ADGRL2: variants seen among roughly 807,000 people sequenced by gnomAD.
ADGRL2 encodes adhesion G protein-coupled receptor L2, also known as calcium-independent alpha-latrotoxin receptor 2.
A neutral mutation model predicts 157.4 loss-of-function variants in ADGRL2; 44 were observed. That is an observed-to-expected ratio of 0.28 (90% confidence interval 0.22 to 0.36). ADGRL2 has a LOEUF of 0.36. ADGRL2 is among the 10% of genes least tolerant of loss of function. The pLI is 1.00. For synonymous variants in ADGRL2, 585 were observed against 624.7 expected (o/e 0.94, Z 0.95); for missense variants, 1,510 against 1,768.9 (o/e 0.85, Z 2.63).
chr1:81,587,851 A>G (rs1401110505), intron 3 of ADGRL2, among the ~76,000 whole-genome samples: 2 of 152,156 alleles, frequency 1.3e-5, no homozygotes, highest in Non-Finnish European at 2.9e-5. Context: ...TTTAGGAGGT[A>G]TAATTAAAAA....
chr1:81,986,070 A>G (rs76611817), intron 21 of ADGRL2, among the ~76,000 whole-genome samples: 15,826 of 152,056 alleles, frequency 0.1, 838 homozygotes, highest in South Asian at 0.16. Flanking sequence ...AAAAAGGTGT[A>G]TGTGTGGTAG....
At chr1:81,745,884 T>G (rs1434360415) in intron 1 of ADGRL2, among the ~76,000 whole-genome samples, 5 of 152,288 alleles carry the variant, frequency 3.3e-5, no homozygotes, top group African/African-American at 1.2e-4. Context: ...ACTCTTGTGA[T>G]TTTGTCTATC....
At chr1:81,555,256 ATTTCTTTTCTTT>A (rs1385667558) in intron 2 of ADGRL2, among the ~76,000 whole-genome samples, 3 of 139,918 alleles carry the variant, frequency 2.1e-5, no homozygotes, top group Non-Finnish European at 4.6e-5. Flanking sequence ...GCTGGTCTCT[ATTTCTTTTCTTT>A]TTTTTTTTTT....
chr1:81,357,201 C>T (rs189831251), intron 1 of ADGRL2, among the ~76,000 whole-genome samples: 1 of 152,218 alleles, frequency 6.6e-6, no homozygotes, highest in Admixed American at 6.5e-5. Flanking sequence ...CACTGTGACT[C>T]TTTGGACTTT....
chr1:81,860,855 T>G (rs1241463330), intron 2 of ADGRL2, among the ~76,000 whole-genome samples: 1 of 152,218 alleles, frequency 6.6e-6, no homozygotes, highest in Non-Finnish European at 1.5e-5. Context: ...GTTTTCTTTT[T>G]ATTCTTTATT....
intron 3 of ADGRL2, among the ~76,000 whole-genome samples, chr1:81,928,079 T>C (rs546724713): frequency 8.5e-5 from 13 of 152,228 alleles, no homozygotes; most frequent in African/African-American, 3.1e-4. Flanking sequence ...TCTATTTGCA[T>C]TGGTGCCTAC....
At chr1:81,655,055 G>A (rs779718832) in intron 3 of ADGRL2, among the ~76,000 whole-genome samples, 1 of 152,162 alleles carries the variant, frequency 6.6e-6, no homozygotes, top group Admixed American at 6.5e-5. Flanking sequence ...TTCAAGCCTC[G>A]CCCCCCTGCG....
At chr1:81,418,595 C>CA (rs58966751) in intron 1 of ADGRL2, among the ~76,000 whole-genome samples, 2,618 of 150,424 alleles carry the variant, frequency 0.017, 54 homozygotes, top group East Asian at 0.082. Context: ...ACTAAAAATA[C>CA]AAAAAAAAAA....
At chr1:81,895,502 G>A (rs1228300165) in intron 2 of ADGRL2, among the ~76,000 whole-genome samples, 3 of 148,364 alleles carry the variant, frequency 2.0e-5, no homozygotes, top group Non-Finnish European at 1.5e-5. Context: ...GGGTTCAAGC[G>A]TTTCTCCTGC....
chr1:81,914,202 A>C (rs183174407), intron 3 of ADGRL2, among the ~76,000 whole-genome samples: 2 of 152,158 alleles, frequency 1.3e-5, no homozygotes, highest in Admixed American at 6.5e-5. Flanking sequence ...TCCATTCTTC[A>C]TAAAGAAGCT....
rs903036043 is a variant in ADGRL2 at position 81,640,100 on chromosome 1, C to G, written c.-143+59120C>G. On this transcript the variant is annotated intron_variant, in intron 3 of 24. Coordinates refer to the ADGRL2 transcript ENST00000370721. ...TCATAGTAGTAGTCTCTCTGGTACCCTGTATCCTCTCAAAGTTTTAAACAT... is the reference window on the plus strand; with the variant it reads ...TCATAGTAGTAGTCTCTCTGGTACCGTGTATCCTCTCAAAGTTTTAAACAT... Among the ~76,000 whole-genome samples, 8 of 152,150 alleles carry G rather than the reference C, an allele frequency of 5.3e-5. No homozygotes were observed. The East Asian group carries it at 9.6e-4, about 18-fold the overall frequency.
At chr1:81,941,031 T>G (rs1467837756) in intron 4 of ADGRL2, among the ~76,000 whole-genome samples, 1 of 151,234 alleles carries the variant, frequency 6.6e-6, no homozygotes, top group Non-Finnish European at 1.5e-5. Context: ...GTATTTGCTC[T>G]GAATGCTCGG....
intron 18 of ADGRL2, chr1:81,981,171 T>C (rs1263674897): frequency 5.2e-6 from 2 of 383,822 alleles, no homozygotes; most frequent in African/African-American, 2.1e-5. Flanking sequence ...TAGTTAGACA[T>C]GGAATGCACT....
chr1:81,652,356 A>C (rs1289627699), intron 3 of ADGRL2, among the ~76,000 whole-genome samples: 2 of 152,114 alleles, frequency 1.3e-5, no homozygotes, highest in African/African-American at 4.8e-5. Flanking sequence ...TAGACCTAGA[A>C]CTTTCATTCC....
At chr1:81,361,937 GT>G (rs551557797) in intron 1 of ADGRL2, among the ~76,000 whole-genome samples, 5,307 of 150,426 alleles carry the variant, frequency 0.035, 113 homozygotes, top group Middle Eastern at 0.1. Flanking sequence ...ATACACTATG[GT>G]TTTTTTTTAG....
intron 3 of ADGRL2, among the ~76,000 whole-genome samples, chr1:81,654,209 G>C: frequency 6.6e-6 from 1 of 152,098 alleles, no homozygotes; most frequent in East Asian, 1.9e-4. Flanking sequence ...GCCTCCCAAC[G>C]TGTTAGAATT....
chr1:81,699,026 G>A (rs559932), upstream of ADGRL2, among the ~76,000 whole-genome samples: 52,837 of 151,946 alleles, frequency 0.35, 9,361 homozygotes, highest in Admixed American at 0.42. Context: ...AGAAGTAAAA[G>A]GATCATAACT....
intron 2 of ADGRL2, among the ~76,000 whole-genome samples, chr1:81,763,728 T>C (rs943911587): frequency 4.8e-5 from 7 of 146,548 alleles, no homozygotes; most frequent in African/African-American, 1.8e-4. Flanking sequence ...ACTAAAAATA[T>C]AAAAAATAGG....
intron 3 of ADGRL2, among the ~76,000 whole-genome samples, chr1:81,917,760 G>C (rs2094890839): frequency 6.6e-6 from 1 of 152,062 alleles, no homozygotes; most frequent in Admixed American, 6.6e-5. Context: ...TGGTCTTTCT[G>C]TTTGTTTTTT....
Sources: allele counts gnomAD v4.1 joint callset (sites outside exome capture counted in the v4.1 genomes callset), GRCh38; gene constraint gnomAD v4.1.1; transcripts MANE v1.5; gene names NCBI Gene and HGNC (gene_info 2026-07-23, HGNC 2026-07-21).